Variants in GPC5 observed in about 807,000 individuals in gnomAD.
The protein encoded by GPC5 is glypican-5.
Under a neutral mutation model 53.9 loss-of-function variants are expected in GPC5, and 47 were observed. That is an observed-to-expected ratio of 0.87 (90% CI 0.69 to 1.11). The LOEUF (loss-of-function observed/expected upper bound fraction) is 1.11. Among genes scored for constraint, GPC5 ranks in the 50% most tolerant of loss-of-function variants. GPC5 has a pLI of 0.00. For synonymous variants in GPC5, 286 were observed against 263.3 expected (o/e 1.09, Z -0.84); for missense variants, 748 against 713.1 (o/e 1.05, Z -0.56).
intron 5 of GPC5, among the ~76,000 whole-genome samples, chr13:91,775,248 G>A (rs1044227757): frequency 1.3e-5 from 2 of 152,122 alleles, no homozygotes; most frequent in East Asian, 1.9e-4. Flanking sequence ...ACTCTTACCT[G>A]TGTTTTAGTC....
chr13:91,884,195 A>C (rs1032974349), intron 5 of GPC5, among the ~76,000 whole-genome samples: 12 of 152,178 alleles, frequency 7.9e-5, no homozygotes, highest in Non-Finnish European at 1.5e-4. Flanking sequence ...GTGGTGGTTC[A>C]TCAAAGACCT....
intron 7 of GPC5, among the ~76,000 whole-genome samples, chr13:92,300,716 C>CT (rs2043069799): frequency 6.6e-6 from 1 of 152,192 alleles, no homozygotes; most frequent in Non-Finnish European, 1.5e-5. Context: ...TTTCATTATA[C>CT]TTGAGGTACC....
chr13:92,490,097 C>T lies in GPC5; in HGVS notation c.1561+345108C>T, dbSNP rs112386073. ...TATAATGTGCAGTTAAACTTTTCAG[C>T]GCATTGTTTCCCGAAAACTCCAAGC... On this transcript the variant is annotated intron_variant, in intron 7 of 7. Transcript: ENST00000377067. 97 of 154,208 alleles carry T rather than the reference C, an allele frequency of 6.3e-4. No homozygotes were observed. In the South Asian group the frequency reaches 0.019, roughly 30 times the overall value. 9.6% of individuals were successfully genotyped at this position (154,208 alleles called of 1,614,324 possible).
chr13:92,255,708 G>C (rs1400436302), intron 7 of GPC5, among the ~76,000 whole-genome samples: 3 of 152,078 alleles, frequency 2.0e-5, no homozygotes, highest in Admixed American at 2.0e-4. Context: ...TATTAGCATA[G>C]AGATAAATTT....
chr13:92,196,975 C>T (rs1291749020), intron 7 of GPC5, among the ~76,000 whole-genome samples: 1 of 151,990 alleles, frequency 6.6e-6, no homozygotes, highest in Non-Finnish European at 1.5e-5. Context: ...GTTAAGATAC[C>T]GAAAACGGTA....
intron 7 of GPC5, among the ~76,000 whole-genome samples, chr13:92,565,070 T>G (rs1427066167): frequency 6.6e-6 from 1 of 152,082 alleles, no homozygotes; most frequent in Non-Finnish European, 1.5e-5. Flanking sequence ...AAAAATGCAC[T>G]CATTTCCCTT....
chr13:92,351,698 G>A (rs2043479036), intron 7 of GPC5, among the ~76,000 whole-genome samples: 1 of 152,040 alleles, frequency 6.6e-6, no homozygotes, highest in South Asian at 2.1e-4. Context: ...AATTTCAGTT[G>A]CATTTCTATA....
intron 5 of GPC5, among the ~76,000 whole-genome samples, chr13:91,767,610 A>G (rs1477099476): frequency 6.6e-6 from 1 of 152,202 alleles, no homozygotes; most frequent in East Asian, 1.9e-4. Flanking sequence ...CAAAGGAAAT[A>G]GGTATTTTAA....
In GPC5 at chr13:91,649,114, C is replaced by T. The variant is rs557144440; in HGVS notation, c.326-44073C>T. Reference sequence around the variant, plus strand: ...GCTTGGCACTTATCCTTCCTGCCACCGTGTGAAGAAGGACCTGTTTGCTTT... The same window carrying T: ...GCTTGGCACTTATCCTTCCTGCCACTGTGTGAAGAAGGACCTGTTTGCTTT... On this transcript the variant is annotated intron_variant, in intron 2 of 7. Transcript: ENST00000377067. Among the ~76,000 whole-genome samples, 5 of 152,270 alleles carry T rather than the reference C, an allele frequency of 3.3e-5. No homozygotes were observed. In the East Asian group the frequency reaches 5.8e-4, roughly 18 times the overall value.
At chr13:91,904,672 G>T (rs563126951) in intron 5 of GPC5, among the ~76,000 whole-genome samples, 35 of 152,000 alleles carry the variant, frequency 2.3e-4, no homozygotes, top group African/African-American at 8.2e-4. Flanking sequence ...AGAGGTAGAT[G>T]TTAAAAAGGG....
At chr13:91,551,675 G>A (rs2030648148) in intron 2 of GPC5, among the ~76,000 whole-genome samples, 1 of 152,114 alleles carries the variant, frequency 6.6e-6, no homozygotes, top group Non-Finnish European at 1.5e-5. Context: ...TGCGGAGTCA[G>A]AGATGACCTT....
chr13:92,757,750 A>G (rs1382386512), intron 7 of GPC5, among the ~76,000 whole-genome samples: 1 of 152,254 alleles, frequency 6.6e-6, no homozygotes, highest in Non-Finnish European at 1.5e-5. Context: ...ATCACTGGCC[A>G]TCAGAGAAAC....
chr13:92,627,531 AAT>A (rs1942116764), intron 7 of GPC5, among the ~76,000 whole-genome samples: 1 of 152,222 alleles, frequency 6.6e-6, no homozygotes, highest in African/African-American at 2.4e-5. Flanking sequence ...AATATGCACT[AAT>A]ATCTACTGTT....
intron 2 of GPC5, among the ~76,000 whole-genome samples, chr13:91,572,187 A>G (rs1366391488): frequency 3.6e-5 from 1 of 27,602 alleles, no homozygotes; most frequent in East Asian, 1.5e-3. Context: ...ATACGTGTGT[A>G]TACACACACA....
intron 6 of GPC5, among the ~76,000 whole-genome samples, chr13:91,970,748 G>C (rs2040233974): frequency 6.6e-6 from 1 of 152,192 alleles, no homozygotes; most frequent in African/African-American, 2.4e-5. Context: ...CTTTGGTTCT[G>C]TTTATATACT....
chr13:92,617,167 C>T (rs1414596404), intron 7 of GPC5, among the ~76,000 whole-genome samples: 2 of 152,152 alleles, frequency 1.3e-5, no homozygotes, highest in Admixed American at 1.3e-4. Context: ...TGGAACATCT[C>T]TGAAGCAGCC....
intron 7 of GPC5, among the ~76,000 whole-genome samples, chr13:92,488,175 G>A (rs1373013462): frequency 6.6e-6 from 1 of 152,028 alleles, no homozygotes; most frequent in Non-Finnish European, 1.5e-5. Flanking sequence ...ATTTAATCCA[G>A]TATCAAAACT....
chr13:91,577,910 C>T (rs2032198491), intron 2 of GPC5, among the ~76,000 whole-genome samples: 1 of 152,202 alleles, frequency 6.6e-6, no homozygotes, highest in Admixed American at 6.5e-5. Flanking sequence ...TTCCTTCTCC[C>T]TTAAGTATGA....
At chr13:92,673,424 G>A (rs1258860353) in intron 7 of GPC5, among the ~76,000 whole-genome samples, 1 of 151,930 alleles carries the variant, frequency 6.6e-6, no homozygotes, top group East Asian at 1.9e-4. Flanking sequence ...TCCAGTACCA[G>A]AAGGCACGCA....
Sources: gnomAD v4.1 joint callset for allele counts (sites outside exome capture counted in the v4.1 genomes callset) on GRCh38, gnomAD v4.1.1 for gene constraint, MANE v1.5 for transcripts, NCBI Gene and HGNC (gene_info 2026-07-23, HGNC 2026-07-21) for gene names.